MAN2A1: variants seen among roughly 807,000 people sequenced by gnomAD.
MAN2A1 encodes mannosidase alpha class 2A member 1.
MAN2A1 carries 76 observed loss-of-function variants against 142.6 expected under a neutral mutation model. The ratio of observed to expected loss-of-function variants is 0.53; its 90% CI spans 0.44 to 0.65. The LOEUF is 0.65. Among genes scored for constraint, MAN2A1 ranks in the 30% least tolerant of loss-of-function variants. MAN2A1 has a pLI of 0.00. For synonymous variants in MAN2A1, 559 were observed against 473.2 expected (o/e 1.18, Z -2.35); for missense variants, 1,311 against 1,365.1 (o/e 0.96, Z 0.62).
At chr5:109,744,953 A>G (rs976589360) in intron 4 of MAN2A1, among the ~76,000 whole-genome samples, 4 of 152,188 alleles carry the variant, frequency 2.6e-5, no homozygotes, top group South Asian at 4.1e-4. Flanking sequence ...TGAAATACAC[A>G]GTAATATGGA....
chr5:109,784,974 T>C lies in MAN2A1; in HGVS notation c.1760+48T>C, dbSNP rs374119322. On this transcript the variant is annotated intron_variant, in intron 10 of 21. Transcript: ENST00000261483. Reference sequence around the variant, plus strand: ...ATCTTTAAAAAAATCATTAAAATTATGGGTAATAAGATTATATCTTTTGGT... The same window carrying C: ...ATCTTTAAAAAAATCATTAAAATTACGGGTAATAAGATTATATCTTTTGGT... The C allele has an allele frequency of 6.6e-6, 9 of 1,361,126 alleles. No individual in the cohort carries two copies. In the African/African-American group the frequency reaches 1.2e-4, roughly 18 times the overall value. 84.3% of individuals were successfully genotyped at this position (1,361,126 alleles called of 1,614,324 possible). A position where few individuals can be genotyped will look rare whatever the true frequency, so the allele number is the denominator to read the frequency against.
Position 109,784,935 on chromosome 5 carries a change from A to G in MAN2A1, c.1760+9A>G. Reference sequence around the variant, plus strand: ...GTGGATTATGGTACCAGGTAATCTAATTATAGAAAAATCATCTTTAAAAAA... The same window carrying G: ...GTGGATTATGGTACCAGGTAATCTAGTTATAGAAAAATCATCTTTAAAAAA... On this transcript the variant is annotated intron_variant, in intron 10 of 21. Transcript: ENST00000261483. 6 of 1,555,260 alleles carry G rather than the reference A, an allele frequency of 3.9e-6. No individual in the cohort carries two copies. Among genetic ancestry groups the G allele is most frequent in the Non-Finnish European group, 5.2e-6 (6 of 1,154,638 alleles).
intron 16 of MAN2A1, among the ~76,000 whole-genome samples, chr5:109,839,967 C>T (rs1305505764): frequency 2.7e-5 from 4 of 150,318 alleles, no homozygotes; most frequent in Non-Finnish European, 5.9e-5. Flanking sequence ...ATGTCTTAGC[C>T]TCTGGAAGGC....
chr5:109,855,377 T>C (rs1755582155), intron 20 of MAN2A1, 43 bp downstream of exon 20: 1 of 1,301,000 alleles, frequency 7.7e-7, no homozygotes. Flanking sequence ...CTGTTTATTA[T>C]GTACTTGTTT....
chr5:109,867,059 G>A lies in MAN2A1; in HGVS notation c.*61G>A, dbSNP rs908883557. On this transcript the variant is annotated 3_prime_UTR_variant, in exon 22 of 22. Transcript: ENST00000261483. ...TTTTATACCTTTCTTGGTTTGACGT[G>A]CAATAAAGAAGCACATTATTTTAGC... is the stretch of plus-strand genomic sequence containing the variant. The A allele has an allele frequency of 2.1e-5, 28 of 1,362,188 alleles. No homozygotes were observed. In the Admixed American group the frequency reaches 4.8e-4, roughly 24 times the overall value. 84.4% of individuals were successfully genotyped at this position (1,362,188 alleles called of 1,614,324 possible).
At chr5:109,849,798 A>G (rs747622305) in intron 19 of MAN2A1, among the ~76,000 whole-genome samples, 3 of 151,776 alleles carry the variant, frequency 2.0e-5, no homozygotes, top group Non-Finnish European at 2.9e-5. Flanking sequence ...TAAAAGTCAA[A>G]ATTTCTTACC....
chr5:109,824,913 A>T (rs922154447), intron 16 of MAN2A1, among the ~76,000 whole-genome samples: 17 of 152,116 alleles, frequency 1.1e-4, no homozygotes, highest in Non-Finnish European at 1.5e-5. Context: ...AAACTTTCTC[A>T]TGCAACTTCT....
chr5:109,816,770 T>C (rs1754472130), intron 12 of MAN2A1, among the ~76,000 whole-genome samples: 1 of 152,174 alleles, frequency 6.6e-6, no homozygotes, highest in African/African-American at 2.4e-5. Context: ...ATATAAGTCT[T>C]TTTCTGGGGT....
At chr5:109,813,772 A>G (rs1199215970) in intron 12 of MAN2A1, among the ~76,000 whole-genome samples, 1 of 152,206 alleles carries the variant, frequency 6.6e-6, no homozygotes, top group African/African-American at 2.4e-5. Flanking sequence ...ATGAAAGGTG[A>G]AGGAATTTTT....
At chr5:109,825,450 C>T (rs1164145786) in intron 16 of MAN2A1, among the ~76,000 whole-genome samples, 1 of 152,176 alleles carries the variant, frequency 6.6e-6, no homozygotes. Context: ...TCCAACTTCT[C>T]AATCAGGTAT....
chr5:109,775,715 TA>T, intron 8 of MAN2A1, among the ~76,000 whole-genome samples: 1 of 152,242 alleles, frequency 6.6e-6, no homozygotes, highest in East Asian at 1.9e-4. Context: ...CTCTAAATTA[TA>T]AAAGTTCTGT....
intron 16 of MAN2A1, among the ~76,000 whole-genome samples, chr5:109,826,693 C>T (rs1228822002): frequency 6.6e-6 from 1 of 152,222 alleles, no homozygotes; most frequent in Non-Finnish European, 1.5e-5. Flanking sequence ...AATGAAATCA[C>T]TAATCAAGGC....
At chr5:109,830,251 C>T (rs1427507231) in intron 16 of MAN2A1, among the ~76,000 whole-genome samples, 1 of 152,144 alleles carries the variant, frequency 6.6e-6, no homozygotes, top group Non-Finnish European at 1.5e-5. Flanking sequence ...TTTGGAGATC[C>T]AAATCCTTAG....
chr5:109,721,166 T>C (rs1751593238), intron 3 of MAN2A1, among the ~76,000 whole-genome samples: 1 of 152,240 alleles, frequency 6.6e-6, no homozygotes, highest in Non-Finnish European at 1.5e-5. Flanking sequence ...TCAAAGTCAG[T>C]TAATTTAATT....
chr5:109,717,445 A>G (rs978698475), intron 3 of MAN2A1, among the ~76,000 whole-genome samples: 1 of 152,192 alleles, frequency 6.6e-6, no homozygotes, highest in African/African-American at 2.4e-5. Flanking sequence ...GTGCACTGAC[A>G]TGTAAAATAT....
At chr5:109,832,743 G>A (rs1049477760) in intron 16 of MAN2A1, among the ~76,000 whole-genome samples, 20 of 151,576 alleles carry the variant, frequency 1.3e-4, no homozygotes, top group East Asian at 2.0e-4. Flanking sequence ...CTTCCCTCCC[G>A]GATGGGGCGG....
chr5:109,821,871 C>T (rs911256362), intron 15 of MAN2A1, among the ~76,000 whole-genome samples: 1 of 151,876 alleles, frequency 6.6e-6, no homozygotes, highest in African/African-American at 2.4e-5. Flanking sequence ...TTGTATTTCT[C>T]ATTTATAGTG....
chr5:109,792,102 A>G (rs1753751449), intron 12 of MAN2A1, among the ~76,000 whole-genome samples: 1 of 152,080 alleles, frequency 6.6e-6, no homozygotes, highest in Non-Finnish European at 1.5e-5. Context: ...CCCATAACGC[A>G]TTGCCATTGG....
intron 1 of MAN2A1, among the ~76,000 whole-genome samples, chr5:109,709,735 C>T (rs948927284): frequency 3.9e-5 from 6 of 152,096 alleles, no homozygotes; most frequent in South Asian, 2.1e-4. Flanking sequence ...TCACTAAAAG[C>T]GGAGTAAATC....
Sources: allele counts gnomAD v4.1 joint callset (sites outside exome capture counted in the v4.1 genomes callset), GRCh38; gene constraint gnomAD v4.1.1; transcripts MANE v1.5; gene names NCBI Gene and HGNC (gene_info 2026-07-23, HGNC 2026-07-21).